KRT33B: variants seen among roughly 807,000 people sequenced by gnomAD.
The protein encoded by KRT33B is keratin, type I cuticular Ha3-II.
A neutral mutation model predicts 42.7 loss-of-function variants in KRT33B; 37 were observed. That is an observed-to-expected ratio of 0.87 (90% CI 0.67 to 1.14). The LOEUF (loss-of-function observed/expected upper bound fraction) is 1.14. Ranked by LOEUF, KRT33B falls within the 50% of genes most tolerant of loss-of-function variation. The pLI is 0.00. For synonymous variants in KRT33B, 237 were observed against 221.2 expected (o/e 1.07, Z -0.63); for missense variants, 523 against 515.1 (o/e 1.02, Z -0.15).
In KRT33B at chr17:41,364,765, C is replaced by A; in HGVS notation, c.1097+14G>T. On this transcript the variant is annotated intron_variant, in intron 6 of 6. Transcript: ENST00000251646. The stretch of plus-strand genomic sequence containing the variant: ...GCCTGTCCCTTGCAGGGGTGCCGTC[C>A]GCCAGGTACTCACTTGCAGTCCTCG... 2 of 1,612,294 alleles carry A rather than the reference C, an allele frequency of 1.2e-6. No individual in the cohort carries two copies. Among genetic ancestry groups the A allele is most frequent in the Non-Finnish European group, 1.7e-6 (2 of 1,179,858 alleles).
chr17:41,367,316 C>T (rs528161767), intron 2 of KRT33B, among the ~76,000 whole-genome samples: 3 of 151,472 alleles, frequency 2.0e-5, no homozygotes, highest in Admixed American at 6.6e-5. Flanking sequence ...CAGTGACTAA[C>T]GTATACAAAG....
intron 2 of KRT33B, 99 bp downstream of exon 2, chr17:41,367,809 A>G (rs2017720352): frequency 1.9e-6 from 2 of 1,032,342 alleles, no homozygotes; most frequent in Non-Finnish European, 3.0e-6. Flanking sequence ...AATCCTCCCA[A>G]TAGAAATTTC....
In KRT33B at chr17:41,365,012, A is replaced by C. The variant is rs2017677299; in HGVS notation, c.877-13T>G. 1.2e-6 allele frequency: 2 copies of C among 1,613,178 alleles called. No individual in the cohort carries two copies. The highest frequency in any genetic ancestry group is 1.7e-6 in the Non-Finnish European group (2 of 1,179,956). On this transcript the variant is annotated splice_polypyrimidine_tract_variant and intron_variant, in intron 5 of 6. Coordinates refer to ENST00000251646, the MANE Select transcript of KRT33B (RefSeq NM_002279.5). ...CCAGAGAGTATCGCTGTGGTGGGAAAGATCAGGAATGTCAGAGAGCTGCTC... is the reference window on the plus strand; with the variant it reads ...CCAGAGAGTATCGCTGTGGTGGGAACGATCAGGAATGTCAGAGAGCTGCTC...
chr17:41,366,825 C>T (rs1474829507), intron 2 of KRT33B, among the ~76,000 whole-genome samples, 199 bp from the exon 3 acceptor site: 2 of 151,332 alleles, frequency 1.3e-5, no homozygotes, highest in African/African-American at 4.9e-5. Flanking sequence ...TGGTGGAATG[C>T]CTGTGGATAG....
Position 41,367,297 on chromosome 17 carries a change from G to C in KRT33B, c.431+611C>G, listed in dbSNP as rs2017712916. On this transcript the variant is annotated intron_variant, in intron 2 of 6. Coordinates refer to ENST00000251646, the MANE Select transcript of KRT33B (RefSeq NM_002279.5). ...TTTGTGGTTTAATAACTTCTTTTTG[G>C]GGGGTTGACAGTGACTAACGTATAC... 1.3e-5 allele frequency among the ~76,000 whole-genome samples: 2 copies of C among 151,328 alleles called. 1 individual carries two copies. The highest frequency in any genetic ancestry group is 1.3e-4 in the Admixed American group (2 of 15,250).
At chr17:41,369,001 C>T (rs1184838760) in intron 1 of KRT33B, among the ~76,000 whole-genome samples, 1 of 151,358 alleles carries the variant, frequency 6.6e-6, no homozygotes, top group African/African-American at 2.5e-5. Context: ...TTTGCTACAG[C>T]TTTGAAAGGC....
In KRT33B at chr17:41,366,589, A is replaced by G. The variant is rs201059903; in HGVS notation, c.469T>C (p.Ser157Pro). The G allele has an allele frequency of 3.4e-5, 55 of 1,611,364 alleles. No individual in the cohort carries two copies. Among genetic ancestry groups the G allele is most frequent in the Non-Finnish European group, 4.6e-5 (54 of 1,179,774 alleles). Residue 157 changes from serine to proline, a missense_variant, in exon 3 of 7, where the codon TCC (serine) becomes CCC (proline). Physicochemically the swap from Ser to Pro is moderately conservative, Grantham distance 74. Coordinates refer to ENST00000251646, the MANE Select transcript of KRT33B (RefSeq NM_002279.5). ...ATCCTGCGCAGGCTGTTGATGTCGG[A>G]CTCCACCAGCTGCCGCAGGGACTGC... ...TEQSLRQLVE[S>P]DINSLRRILD...
intron 6 of KRT33B, among the ~76,000 whole-genome samples, chr17:41,364,394 C>T (rs1456139165): frequency 2.6e-5 from 4 of 151,372 alleles, no homozygotes. Flanking sequence ...CTCTGCCTGC[C>T]TCAGATGATT....
At position 41,365,573 on chromosome 17, in the gene KRT33B, A is replaced by G. The variant is rs1418041170; in HGVS notation, c.589-20T>C. 1 of 1,606,124 alleles carries G rather than the reference A, an allele frequency of 6.2e-7. No individual in the cohort carries two copies. The highest frequency in any genetic ancestry group is 8.5e-7 in the Non-Finnish European group (1 of 1,178,144). The stretch of plus-strand genomic sequence containing the variant: ...GACTTCCTAATGGAGAAAAGGGAAG[A>G]AATAAACCCACAGAAAGAAGTCTTT... On this transcript the variant is annotated intron_variant, in intron 3 of 6. Coordinates refer to ENST00000251646, the MANE Select transcript of KRT33B (RefSeq NM_002279.5).
intron 1 of KRT33B, 132 bp downstream of exon 1, chr17:41,369,270 AC>A: frequency 7.8e-7 from 1 of 1,288,992 alleles, no homozygotes; most frequent in South Asian, 1.5e-5. Flanking sequence ...TTGATGTCAT[AC>A]CTAAGCCAGT....
chr17:41,363,728 G>A lies in KRT33B; in HGVS notation c.*108C>T. On this transcript the variant is annotated 3_prime_UTR_variant, in exon 7 of 7. Coordinates refer to ENST00000251646, the MANE Select transcript of KRT33B (RefSeq NM_002279.5). ...TTCTCCTTCCAGACCATGATTTGTG[G>A]TGATGCCTCGGGGTGGGGTCCGGTG... 1.4e-6 allele frequency: 1 copy of A among 727,856 alleles called. No individual in the cohort carries two copies. Among genetic ancestry groups the A allele is most frequent in the Admixed American group, 2.1e-5 (1 of 48,666 alleles). The allele number at this position is 727,856 out of a possible 1,614,324, so 45.1% of individuals were successfully genotyped here.
At position 41,363,767 on chromosome 17, in the gene KRT33B, A is replaced by G; in HGVS notation, c.*69T>C. 9.5e-7 allele frequency: 1 copy of G among 1,056,502 alleles called. No individual in the cohort carries two copies. Among genetic ancestry groups the G allele is most frequent in the Non-Finnish European group, 1.4e-6 (1 of 698,450 alleles). The allele number at this position is 1,056,502 out of a possible 1,614,324, so 65.4% of individuals were successfully genotyped here. A position where few individuals can be genotyped will look rare whatever the true frequency, so the allele number is the denominator to read the frequency against. On this transcript the variant is annotated 3_prime_UTR_variant, in exon 7 of 7. Transcript: ENST00000251646. ...TGGGGTCCGGTGGCTGATGGTTGTC[A>G]GAGAGGCAGAACTGGCCCACCGATG... is the stretch of plus-strand genomic sequence containing the variant.
chr17:41,366,391 CA>C, intron 3 of KRT33B, 78 bp downstream of exon 3: 1 of 1,550,572 alleles, frequency 6.4e-7, no homozygotes, highest in South Asian at 1.2e-5. Flanking sequence ...GGGTGCTTAG[CA>C]AATCAAATCC....
intron 3 of KRT33B, 95 bp from the exon 4 acceptor site, chr17:41,365,648 C>A (rs1008150151): frequency 2.7e-6 from 4 of 1,471,772 alleles, no homozygotes; most frequent in Non-Finnish European, 3.6e-6. Context: ...GATTGCATTG[C>A]AGCTTAGGAA....
Position 41,363,968 on chromosome 17 carries a change from C to G in KRT33B, c.1098-15G>C. 1.3e-6 allele frequency: 2 copies of G among 1,551,798 alleles called. No individual in the cohort carries two copies. The highest frequency in any genetic ancestry group is 1.8e-6 in the Non-Finnish European group (2 of 1,128,006). Reference sequence around the variant, plus strand: ...TGGAGGGCAGCCTGGGATGCAGAAGCATTAGACTGTCAGCATGAGAAGGGT... The same window carrying G: ...TGGAGGGCAGCCTGGGATGCAGAAGGATTAGACTGTCAGCATGAGAAGGGT... On this transcript the variant is annotated splice_polypyrimidine_tract_variant and intron_variant, in intron 6 of 6. Coordinates refer to ENST00000251646, the MANE Select transcript of KRT33B (RefSeq NM_002279.5).
Position 41,369,397 on chromosome 17 carries a change from C to T in KRT33B, c.348+6G>A. On this transcript the variant is annotated splice_donor_region_variant and intron_variant, in intron 1 of 6. Transcript: ENST00000251646. The stretch of plus-strand genomic sequence containing the variant: ...TAAGCTGGCAGTGTGGTGCCCACCT[C>T]CTCACCTTCTGCTGGAGCTCCTCAA... 6.2e-7 allele frequency: 1 copy of T among 1,612,702 alleles called. No individual in the cohort carries two copies. The highest frequency in any genetic ancestry group is 8.5e-7 in the Non-Finnish European group (1 of 1,179,510).
Position 41,363,676 on chromosome 17 carries a change from G to A in KRT33B, c.*160C>T. On this transcript the variant is annotated 3_prime_UTR_variant, in exon 7 of 7. Transcript: ENST00000251646. ...GGAGGATCAAGTAGCCCTAGGCTCA[G>A]AGTCAGACCCAAACGCTGGGCATTT... The A allele has an allele frequency of 1.8e-6, 1 of 561,238 alleles. No individual in the cohort carries two copies. Among genetic ancestry groups the A allele is most frequent in the Non-Finnish European group, 3.2e-6 (1 of 312,584 alleles). 34.8% of individuals were successfully genotyped at this position (561,238 alleles called of 1,614,324 possible). A position where few individuals can be genotyped will look rare whatever the true frequency, so the allele number is the denominator to read the frequency against.
rs769409460 is a variant in KRT33B at position 41,364,860 on chromosome 17, T to C, written c.1016A>G (p.Tyr339Cys). The change falls in exon 6 of 7, where the codon TAT becomes TGT. Residue 339 changes from tyrosine to cysteine, a missense_variant. Tyr to Cys is a radical substitution (Grantham distance 194). Transcript: ENST00000251646. ...CGCCCGCACGTCCAGCAGCACCTGATACTCCTGGTTCTGCCGCTCCAGGTC... is the reference window on the plus strand; with the variant it reads ...CGCCCGCACGTCCAGCAGCACCTGACACTCCTGGTTCTGCCGCTCCAGGTC... Reference protein sequence around the residue: ...RSDLERQNQEYQVLLDVRARL... With the variant: ...RSDLERQNQECQVLLDVRARL... 1.9e-6 allele frequency: 3 copies of C among 1,613,266 alleles called. No individual in the cohort carries two copies. Among genetic ancestry groups the C allele is most frequent in the Non-Finnish European group, 1.7e-6 (2 of 1,180,028 alleles).
Position 41,369,085 on chromosome 17 carries a change from C to T in KRT33B, c.348+318G>A, listed in dbSNP as rs146903991. Among the ~76,000 whole-genome samples the T allele has an allele frequency of 1.5e-4, 22 of 151,434 alleles. 1 individual carries two copies. The highest frequency in any genetic ancestry group is 4.4e-4 in the African/African-American group (18 of 40,784). On this transcript the variant is annotated intron_variant, in intron 1 of 6. Coordinates refer to ENST00000251646, the MANE Select transcript of KRT33B (RefSeq NM_002279.5). ...TTCAGGTGCATACTTTTTGAAAATG[C>T]GGTAATGCTCTGAAAACAAAACCAG...
Sources: gnomAD v4.1 joint callset for allele counts (sites outside exome capture counted in the v4.1 genomes callset) on GRCh38, gnomAD v4.1.1 for gene constraint, MANE v1.5 for transcripts, NCBI Gene and HGNC (gene_info 2026-07-23, HGNC 2026-07-21) for gene names.